Variants in SCN10A observed in about 807,000 individuals in gnomAD.
SCN10A encodes sodium voltage-gated channel alpha subunit 10, also known as sodium channel protein type 10 subunit alpha.
Under a neutral mutation model 170.7 loss-of-function variants are expected in SCN10A, and 162 were observed. That is an observed-to-expected ratio of 0.95 (90% CI 0.84 to 1.08). The LOEUF (loss-of-function observed/expected upper bound fraction) is 1.08, where lower values mean the gene tolerates loss of function less well. Among genes scored for constraint, SCN10A ranks in the 50% least tolerant of loss-of-function variants. The pLI is 0.00. For synonymous variants in SCN10A, 985 were observed against 904.6 expected (o/e 1.09, Z -1.59); for missense variants, 2,527 against 2,436.9 (o/e 1.04, Z -0.78).
At chr3:38,810,323 G>A (rs1049371413) in intron 1 of SCN10A, among the ~76,000 whole-genome samples, 1 of 152,108 alleles carries the variant, frequency 6.6e-6, no homozygotes, top group African/African-American at 2.4e-5. Context: ...CCAGTATAAC[G>A]CAGCCCTTCA....
intron 19 of SCN10A, among the ~76,000 whole-genome samples, 190 bp from the exon 20 acceptor site, chr3:38,722,602 C>T (rs538432148): frequency 1.7e-4 from 26 of 152,308 alleles, no homozygotes; most frequent in Middle Eastern, 6.8e-3. Flanking sequence ...ACAGGTGTTC[C>T]TCTCCATCAT....
chr3:38,697,554 A>T lies in SCN10A; in HGVS notation c.5666T>A (p.Leu1889His). Residue 1889 changes from leucine (L) to histidine (H), a missense_variant, in exon 28 of 28, where the codon CTC becomes CAC. Coordinates refer to ENST00000449082, the MANE Select transcript of SCN10A (RefSeq NM_006514.4). ...VPRAEEEAASLPDEGFVAFTA... is the reference protein window; with the variant it reads ...VPRAEEEAASHPDEGFVAFTA... ...GAATGCAACAAAACCTTCATCTGGG[A>T]GTGATGCAGCCTCCTCCTCAGCTCT... The T allele has an allele frequency of 6.2e-7, 1 of 1,614,170 alleles. No individual in the cohort carries two copies. Among genetic ancestry groups the T allele is most frequent in the South Asian group, 1.1e-5 (1 of 91,070 alleles).
intron 1 of SCN10A, among the ~76,000 whole-genome samples, chr3:38,798,786 C>CTTTTTTTTTTTTT (rs35930968): frequency 3.1e-5 from 3 of 97,716 alleles, no homozygotes; most frequent in Non-Finnish European, 5.7e-5. Flanking sequence ...CCCTTGCCTC[C>CTTTTTTTTTTTTT]TTTTTTTTTT....
In SCN10A at chr3:38,725,282, C is replaced by CAGTG. The variant is rs1299159125; in HGVS notation, c.3119_3120insCACT (p.Asp1041ThrfsTer16). ...CTGGGCTCCTGGGTGTCAGGTGGTC[C>CAGTG]CCACACCTCTCGACTTGCTGCAGCT... On this transcript the variant is annotated frameshift_variant, in exon 18 of 28. Coordinates refer to ENST00000449082, the MANE Select transcript of SCN10A (RefSeq NM_006514.4). LOFTEE classifies it high-confidence loss of function. 9 of 1,590,182 alleles carry CAGTG rather than the reference C, an allele frequency of 5.7e-6. No individual in the cohort carries two copies. The highest frequency in any genetic ancestry group is 7.7e-6 in the Non-Finnish European group (9 of 1,162,504).
chr3:38,761,127 CCTGTCCCT>C, intron 7 of SCN10A, 57 bp downstream of exon 7: 1 of 1,332,964 alleles, frequency 7.5e-7, no homozygotes, highest in Non-Finnish European at 1.0e-6. Flanking sequence ...CTCCATATCC[CCTGTCCCT>C]ATATGATACC....
intron 15 of SCN10A, among the ~76,000 whole-genome samples, chr3:38,731,393 T>C (rs1328881132): frequency 6.6e-6 from 1 of 152,176 alleles, no homozygotes; most frequent in Non-Finnish European, 1.5e-5. Flanking sequence ...ATGTGTAATA[T>C]ACAAGAATGT....
At position 38,755,768 on chromosome 3, in the gene SCN10A, C is replaced by T. The variant is rs767657096; in HGVS notation, c.1461+20G>A. ...CTGCAATGGTGGGTAATCTTTAGAG[C>T]ACAAACCTGAGCCTCTTACCATCCT... On this transcript the variant is annotated intron_variant, in intron 11 of 27. Coordinates refer to ENST00000449082, the MANE Select transcript of SCN10A (RefSeq NM_006514.4). The T allele has an allele frequency of 1.9e-6, 3 of 1,612,440 alleles. No homozygotes were observed. Among genetic ancestry groups the T allele is most frequent in the Non-Finnish European group, 1.7e-6 (2 of 1,179,836 alleles).
intron 15 of SCN10A, among the ~76,000 whole-genome samples, chr3:38,733,696 CTTTTT>C (rs780990971): frequency 6.6e-5 from 10 of 151,820 alleles, no homozygotes; most frequent in Non-Finnish European, 1.2e-4. Context: ...CTTTCCTTTT[CTTTTT>C]TAAATTTAAA....
chr3:38,697,079 A>T lies in SCN10A; in HGVS notation c.*270T>A. On this transcript the variant is annotated 3_prime_UTR_variant, in exon 28 of 28. Transcript: ENST00000449082. ...TACAACAAAAATAAAAGGACAAGGG[A>T]TATTTTCTGGAGAGTAAGAGAACCC... The T allele has an allele frequency of 2.1e-6, 1 of 485,504 alleles. No individual in the cohort carries two copies. The allele number at this position is 485,504 out of a possible 1,614,324, so 30.1% of individuals were successfully genotyped here.
Position 38,722,304 on chromosome 3 carries a change from A to G in SCN10A, c.3461T>C (p.Phe1154Ser). Reference sequence around the variant, plus strand: ...GATCATGAAGATGATGAAGCTCTCAAACCAGCTGTGCTCCACGATACGGTA... The same window carrying G: ...GATCATGAAGATGATGAAGCTCTCAGACCAGCTGTGCTCCACGATACGGTA... ...TCYRIVEHSW[F>S]ESFIIFMILL... The change falls in exon 20 of 28, where the codon TTT becomes TCT. Residue 1154 changes from phenylalanine to serine, a missense_variant. Transcript: ENST00000449082. The G allele has an allele frequency of 1.2e-6, 2 of 1,614,140 alleles. No homozygotes were observed. The highest frequency in any genetic ancestry group is 1.7e-6 in the Non-Finnish European group (2 of 1,180,016).
rs781619317 is a variant in SCN10A at position 38,727,041 on chromosome 3, C to G, written c.2652G>C (p.Leu884=). 1 of 1,607,384 alleles carries G rather than the reference C, an allele frequency of 6.2e-7. No individual in the cohort carries two copies. The highest frequency in any genetic ancestry group is 8.5e-7 in the Non-Finnish European group (1 of 1,174,294). ...AAGAGTTCAATAGCAGGGCGATGAA[C>G]AGGTTAAGCACCTGAAGAGAAGGAA... ...MVLGNLVVLN[L]FIALLLNSFS... Residue 884 remains leucine, a synonymous_variant, in exon 17 of 28, where the codon CTG becomes CTC. Transcript: ENST00000449082.
chr3:38,710,722 T>G, intron 24 of SCN10A, 122 bp downstream of exon 24: 14 of 875,594 alleles, frequency 1.6e-5, no homozygotes, highest in Non-Finnish European at 2.6e-5. Flanking sequence ...AGGGACAGTG[T>G]GAGGTTGCTG....
At chr3:38,800,525 C>T (rs1286922573) in intron 1 of SCN10A, among the ~76,000 whole-genome samples, 1 of 152,124 alleles carries the variant, frequency 6.6e-6, no homozygotes, top group Non-Finnish European at 1.5e-5. Flanking sequence ...AGTCTTAGGG[C>T]CTGGATGAAA....
At chr3:38,730,178 T>A (rs888462823) in intron 15 of SCN10A, among the ~76,000 whole-genome samples, 1 of 152,184 alleles carries the variant, frequency 6.6e-6, no homozygotes, top group East Asian at 1.9e-4. Context: ...ATACCCTTCA[T>A]GTAAGGATGA....
chr3:38,726,914 C>A lies in SCN10A; in HGVS notation c.2779G>T (p.Ala927Ser), dbSNP rs774405519. ...GACCTGCTGAAGAAGCTGCAAAGAGCCTGTTTGGTACGATGGCCAAAGACC... is the reference window on the plus strand; with the variant it reads ...GACCTGCTGAAGAAGCTGCAAAGAGACTGTTTGGTACGATGGCCAAAGACC... Reference protein sequence around the residue: ...IQVFGHRTKQALCSFFSRSCP... With the variant: ...IQVFGHRTKQSLCSFFSRSCP... The change falls in exon 17 of 28, where the codon GCT becomes TCT. Residue 927 changes from alanine (A) to serine (S), a missense_variant. Ala to Ser is a moderately conservative substitution (Grantham distance 99). Transcript: ENST00000449082. The A allele has an allele frequency of 2.5e-6, 4 of 1,614,218 alleles. No homozygotes were observed. In the South Asian group the frequency reaches 4.4e-5, roughly 18 times the overall value.
intron 1 of SCN10A, among the ~76,000 whole-genome samples, chr3:38,808,231 C>T (rs1367576092): frequency 1.0e-5 from 1 of 98,574 alleles, no homozygotes; most frequent in East Asian, 2.3e-4. Flanking sequence ...CTGCTTTGGT[C>T]TTTTCACACA....
chr3:38,736,972 T>TTG (rs199758845), intron 15 of SCN10A, among the ~76,000 whole-genome samples: 16 of 96,134 alleles, frequency 1.7e-4, no homozygotes, highest in African/African-American at 7.0e-4. Context: ...CGTTTTTTTT[T>TTG]TTTTTTTTTT....
At chr3:38,712,023 A>T (rs991612157) in intron 23 of SCN10A, 138 bp downstream of exon 23, 3 of 781,326 alleles carry the variant, frequency 3.8e-6, no homozygotes, top group Non-Finnish European at 4.2e-6. Context: ...TGTAGTCTGT[A>T]GGAATAGAGA....
rs375444748 is a variant in SCN10A at position 38,756,884 on chromosome 3, G to T, written c.1093-13C>A. On this transcript the variant is annotated splice_polypyrimidine_tract_variant and intron_variant, in intron 9 of 27. Coordinates refer to ENST00000449082, the MANE Select transcript of SCN10A (RefSeq NM_006514.4). ...AAGTCCTCAGGGTCTGCAGGTTCAAGGGAAAGAAGAGAAACCTGTACCCAT... is the reference window on the plus strand; with the variant it reads ...AAGTCCTCAGGGTCTGCAGGTTCAATGGAAAGAAGAGAAACCTGTACCCAT... 9 of 1,613,834 alleles carry T rather than the reference G, an allele frequency of 5.6e-6. No individual in the cohort carries two copies. In the African/African-American group the frequency reaches 1.1e-4, roughly 19 times the overall value.
Sources: allele counts gnomAD v4.1 joint callset (sites outside exome capture counted in the v4.1 genomes callset), GRCh38; gene constraint gnomAD v4.1.1; transcripts MANE v1.5; gene names NCBI Gene and HGNC (gene_info 2026-07-23, HGNC 2026-07-21).